C14orf93: variants seen among roughly 807,000 people sequenced by gnomAD.
The protein encoded by C14orf93 is uncharacterized protein C14orf93.
A neutral mutation model predicts 44.0 loss-of-function variants in C14orf93; 23 were observed. That is an observed-to-expected ratio of 0.52 (90% CI 0.38 to 0.74). The LOEUF (loss-of-function observed/expected upper bound fraction) is 0.74, where lower values mean the gene tolerates loss of function less well. Ranked by LOEUF, C14orf93 falls within the 30% of genes least tolerant of loss-of-function variation. The probability of loss-of-function intolerance (pLI) is 0.00; values close to 1 mark genes in which losing one functional copy is unlikely to be tolerated. For missense variants in C14orf93, 579 were observed against 678.9 expected, an observed-to-expected ratio of 0.85 and a Z score of 1.64; for synonymous variants, 253 against 265.7, an observed-to-expected ratio of 0.95 and a Z score of 0.46.
At chr14:22,995,897 C>G in intron 3 of C14orf93, 51 bp downstream of exon 3, 1 of 1,498,752 alleles carries the variant, frequency 6.7e-7, no homozygotes, top group South Asian at 1.3e-5. Flanking sequence ...CATCACTCTT[C>G]ACTTATCTCT....
At chr14:23,003,651 A>G (rs2046417552) in intron 1 of C14orf93, among the ~76,000 whole-genome samples, 1 of 151,446 alleles carries the variant, frequency 6.6e-6, no homozygotes, top group Non-Finnish European at 1.5e-5. Flanking sequence ...AACAAAAAAA[A>G]GTAGCCGCGC....
At chr14:22,991,568 G>T (rs1162351152) in intron 3 of C14orf93, among the ~76,000 whole-genome samples, 4 of 150,516 alleles carry the variant, frequency 2.7e-5, no homozygotes, top group Non-Finnish European at 5.9e-5. Context: ...AATGTCTTCT[G>T]CAATTTTTCT....
In C14orf93 at chr14:22,996,080, G is replaced by A; in HGVS notation, c.786C>T (p.Asp262=). Residue 262 remains aspartate (D), a synonymous_variant, in exon 3 of 7, where the codon GAC becomes GAT. Coordinates refer to ENST00000299088, the MANE Select transcript of C14orf93 (RefSeq NM_021944.4). This position sits in a 1 kb window ranked among gnomAD's most constrained non-coding sequence, Gnocchi z 4.1. The part of the protein sequence containing the change: ...EDMLNAAAAL[D]SALEESGPGS... ...CAGGGCCTGACTCTTCCAAGGCACT[G>A]TCCAGCGCAGCAGCGGCATTGAGCA... The A allele has an allele frequency of 6.2e-7, 1 of 1,614,126 alleles. No individual in the cohort carries two copies. The highest frequency in any genetic ancestry group is 1.3e-5 in the African/African-American group (1 of 75,020).
At position 22,998,547 on chromosome 14, in the gene C14orf93, C is replaced by G. The variant is rs2046127907; in HGVS notation, c.477G>C (p.Leu159=). ...CCACTGAGGCTGCTCCCAGCTGCCGCAGCTCCTCAATCACCACCTGCACGC... is the reference window on the plus strand; with the variant it reads ...CCACTGAGGCTGCTCCCAGCTGCCGGAGCTCCTCAATCACCACCTGCACGC... ...GSGVQVVIEE[L]RQLGAASVGP... is the part of the protein sequence containing the mutation. The change falls in exon 2 of 7, where the codon CTG becomes CTC. Residue 159 remains leucine (L), a synonymous_variant. Transcript: ENST00000299088. The G allele has an allele frequency of 3.1e-6, 5 of 1,613,900 alleles. No homozygotes were observed. The East Asian group carries it at 1.1e-4, about 36-fold the overall frequency.
intron 3 of C14orf93, among the ~76,000 whole-genome samples, chr14:22,991,250 G>A (rs1302094472): frequency 6.6e-6 from 1 of 150,996 alleles, no homozygotes; most frequent in African/African-American, 2.4e-5. Context: ...TTGCCAGCCG[G>A]GCGCGGTGGC....
At chr14:23,001,351 C>CT (rs2046284413) in intron 1 of C14orf93, among the ~76,000 whole-genome samples, 1 of 152,254 alleles carries the variant, frequency 6.6e-6, no homozygotes. Context: ...GCTGAGTTGT[C>CT]TAACTCCTTT....
chr14:22,999,597 A>G (rs527665898), intron 1 of C14orf93, among the ~76,000 whole-genome samples, 195 bp from the exon 2 acceptor site: 1 of 152,332 alleles, frequency 6.6e-6, no homozygotes, highest in South Asian at 2.1e-4. Context: ...GAGAAGAGAC[A>G]TGTGGAGAAG....
At chr14:22,989,957 G>T in intron 4 of C14orf93, 109 bp downstream of exon 4, 1 of 1,409,600 alleles carries the variant, frequency 7.1e-7, no homozygotes, top group Non-Finnish European at 1.0e-6. Context: ...GCCTAAGAAG[G>T]TATGGTGAGA....
At chr14:23,003,889 TATATA>T (rs1367739797) in intron 1 of C14orf93, among the ~76,000 whole-genome samples, 92 of 17,408 alleles carry the variant, frequency 5.3e-3, no homozygotes, top group East Asian at 0.029. Flanking sequence ...TATATATATA[TATATA>T]TATATTTTTT....
chr14:23,000,366 A>G (rs979694439), intron 1 of C14orf93, among the ~76,000 whole-genome samples: 5 of 152,148 alleles, frequency 3.3e-5, no homozygotes, highest in Admixed American at 1.3e-4. Flanking sequence ...TATGTTTACA[A>G]TTTCTCTGAG....
At chr14:22,998,229 CCTT>C (rs2046107709) in intron 2 of C14orf93, 195 bp downstream of exon 2, 3 of 774,500 alleles carry the variant, frequency 3.9e-6, no homozygotes, top group Non-Finnish European at 5.7e-6. Flanking sequence ...CAAAAAATGA[CCTT>C]CTGCCAAAGA....
At position 22,987,733 on chromosome 14, in the gene C14orf93, C is replaced by T; in HGVS notation, c.1198-99G>A. ...GGGGAAGGCTGTGTAAAATCTGTGC[C>T]TAAGTGAACCCAGTCCCCAAGTCAG... On this transcript the variant is annotated intron_variant, in intron 6 of 6. Transcript: ENST00000299088. The surrounding 1 kb of genome is among the most constrained non-coding windows in gnomAD (Gnocchi z 5.6). 7.5e-7 allele frequency: 1 copy of T among 1,340,802 alleles called. No homozygotes were observed. The highest frequency in any genetic ancestry group is 1.0e-6 in the Non-Finnish European group (1 of 984,708). 83.1% of individuals were successfully genotyped at this position (1,340,802 alleles called of 1,614,324 possible).
At chr14:23,000,703 A>G (rs2046245116) in intron 1 of C14orf93, among the ~76,000 whole-genome samples, 1 of 142,174 alleles carries the variant, frequency 7.0e-6, no homozygotes, top group South Asian at 2.3e-4. Flanking sequence ...CAACAGGGCG[A>G]GACTCCACCT....
intron 2 of C14orf93, among the ~76,000 whole-genome samples, chr14:22,997,300 G>T (rs2046041576): frequency 6.6e-6 from 1 of 152,060 alleles, no homozygotes; most frequent in South Asian, 2.1e-4. Context: ...TACACTGGAG[G>T]GGGAGAGAGG....
At position 22,989,612 on chromosome 14, in the gene C14orf93, A is replaced by C. The variant is rs1021693579; in HGVS notation, c.1084+130T>G. 5 of 667,678 alleles carry C rather than the reference A, an allele frequency of 7.5e-6. No individual in the cohort carries two copies. In the African/African-American group the frequency reaches 9.1e-5, roughly 12 times the overall value. 41.4% of individuals were successfully genotyped at this position (667,678 alleles called of 1,614,324 possible). The stretch of plus-strand genomic sequence containing the variant: ...TATTGAAGGTGAGAATAGCCAAAAA[A>C]TGTTTCAAATCCACTATTTTCAAAA... On this transcript the variant is annotated intron_variant, in intron 5 of 6. Transcript: ENST00000299088.
rs944135012 is a variant in C14orf93 at position 23,000,083 on chromosome 14, A to G, written c.-379-681T>C. On this transcript the variant is annotated intron_variant, in intron 1 of 6. Coordinates refer to ENST00000299088, the MANE Select transcript of C14orf93 (RefSeq NM_021944.4). Reference sequence around the variant, plus strand: ...TCCTTAAGGGTGGATCCAAAATTCAACAGGAATGTTTGAACAGCTATGCTG... The same window carrying G: ...TCCTTAAGGGTGGATCCAAAATTCAGCAGGAATGTTTGAACAGCTATGCTG... 4 of 152,202 alleles carry G rather than the reference A, an allele frequency of 2.6e-5. No individual in the cohort carries two copies. In the East Asian group the frequency reaches 7.7e-4, roughly 29 times the overall value. 9.4% of individuals were successfully genotyped at this position (152,202 alleles called of 1,614,324 possible). A position where few individuals can be genotyped will look rare whatever the true frequency, so the allele number is the denominator to read the frequency against.
rs144325862 is a variant in C14orf93 at position 23,004,210 on chromosome 14, A to AAT, written c.-379-4810_-379-4809dup. ...GGCGTGAGCCATCGTTCCCGGCCAAAATATATATATATATATTTGATACAG... is the reference window on the plus strand; with the variant it reads ...GGCGTGAGCCATCGTTCCCGGCCAAAATATATATATATATATATTTGATACAG... On this transcript the variant is annotated intron_variant, in intron 1 of 6. Coordinates refer to ENST00000299088, the MANE Select transcript of C14orf93 (RefSeq NM_021944.4). Among the ~76,000 whole-genome samples, 140 of 139,022 alleles carry AAT rather than the reference A, an allele frequency of 1.0e-3. 1 individual carries two copies. The highest frequency in any genetic ancestry group is 4.1e-3 in the Middle Eastern group (1 of 246). 91.2% of individuals were successfully genotyped at this position (139,022 alleles called of 152,430 possible).
chr14:22,986,633 T>G lies in C14orf93; in HGVS notation c.*582A>C, dbSNP rs993106084. On this transcript the variant is annotated 3_prime_UTR_variant, in exon 7 of 7. Transcript: ENST00000299088. ...TCTGTAAGATAGGAATAGTAAAATT[T>G]TCCTCATGTAATTCAATAAACAATA... 2 of 153,772 alleles carry G rather than the reference T, an allele frequency of 1.3e-5. No individual in the cohort carries two copies. Among genetic ancestry groups the G allele is most frequent in the African/African-American group, 4.8e-5 (2 of 41,448 alleles). 9.5% of individuals were successfully genotyped at this position (153,772 alleles called of 1,614,324 possible).
chr14:22,987,652 G>T lies in C14orf93; in HGVS notation c.1198-18C>A. 6.4e-7 allele frequency: 1 copy of T among 1,559,808 alleles called. No homozygotes were observed. The highest frequency in any genetic ancestry group is 1.2e-5 in the South Asian group (1 of 82,436). ...GCAAAAAGCTAAGGCAGGAACCCAGGAGATAGATTAGGAAGGTAAACATTC... is the reference window on the plus strand; with the variant it reads ...GCAAAAAGCTAAGGCAGGAACCCAGTAGATAGATTAGGAAGGTAAACATTC... On this transcript the variant is annotated intron_variant, in intron 6 of 6. Coordinates refer to ENST00000299088, the MANE Select transcript of C14orf93 (RefSeq NM_021944.4). The surrounding 1 kb of genome is among the most constrained non-coding windows in gnomAD (Gnocchi z 5.6).
Sources: allele counts gnomAD v4.1 joint callset (sites outside exome capture counted in the v4.1 genomes callset), GRCh38; gene constraint gnomAD v4.1.1; non-coding constraint Gnocchi (gnomAD v3.1); transcripts MANE v1.5; gene names NCBI Gene and HGNC (gene_info 2026-07-23, HGNC 2026-07-21).